Variants in PRKCE observed in about 807,000 individuals in gnomAD.
PRKCE encodes the protein protein kinase C epsilon, also known as protein kinase C epsilon type.
Under a neutral mutation model 85.4 loss-of-function variants are expected in PRKCE, and 16 were observed. The observed-to-expected ratio is 0.19, with a 90% confidence interval of 0.13 to 0.28. The LOEUF (loss-of-function observed/expected upper bound fraction) is 0.28, where lower values mean the gene tolerates loss of function less well. Among genes scored for constraint, PRKCE ranks in the 10% least tolerant of loss-of-function variants. The probability of loss-of-function intolerance (pLI) is 1.00; values close to 1 mark genes in which losing one functional copy is unlikely to be tolerated. For missense variants in PRKCE, 573 were observed against 975.2 expected (o/e 0.59, Z 5.49); for synonymous variants, 388 against 371.5 (o/e 1.04, Z -0.51).
At chr2:45,710,127 C>T (rs1313409117) in intron 1 of PRKCE, among the ~76,000 whole-genome samples, 1 of 152,206 alleles carries the variant, frequency 6.6e-6, no homozygotes, top group African/African-American at 2.4e-5. Context: ...ACGTCCATAG[C>T]ACTGGCTAGG....
chr2:45,966,730 C>G (rs1251704863), intron 2 of PRKCE, among the ~76,000 whole-genome samples: 1 of 152,028 alleles, frequency 6.6e-6, no homozygotes, highest in Admixed American at 6.6e-5. Context: ...TTTCCCGGTC[C>G]TAAAGCCTTG....
intron 2 of PRKCE, among the ~76,000 whole-genome samples, chr2:45,963,399 C>T (rs1161294815): frequency 6.6e-6 from 1 of 152,106 alleles, no homozygotes; most frequent in African/African-American, 2.4e-5. Flanking sequence ...ACCTCTGCCT[C>T]CCTGGTTCAA....
intron 2 of PRKCE, among the ~76,000 whole-genome samples, chr2:45,935,894 G>A (rs1228747784): frequency 6.6e-6 from 1 of 152,238 alleles, no homozygotes; most frequent in Non-Finnish European, 1.5e-5. Flanking sequence ...GACCCATTGT[G>A]CTCTGGAAAG....
rs562822972 is a variant in PRKCE at position 45,747,679 on chromosome 2, A to G, written c.348+95231A>G. On this transcript the variant is annotated intron_variant, in intron 1 of 14. Transcript: ENST00000306156. ...ATGCAATGAACATGGGTATACAACT[A>G]TCTCTTTGAGACCCTGCTTCAGTTC... Among the ~76,000 whole-genome samples, 4 of 152,352 alleles carry G rather than the reference A, an allele frequency of 2.6e-5. No individual in the cohort carries two copies. In the South Asian group the frequency reaches 6.2e-4, roughly 24 times the overall value.
At chr2:46,161,246 G>C (rs1415943890) in intron 14 of PRKCE, among the ~76,000 whole-genome samples, 2 of 152,236 alleles carry the variant, frequency 1.3e-5, no homozygotes, top group Non-Finnish European at 2.9e-5. Flanking sequence ...AGGATTAACT[G>C]TGCCCCTGGT....
rs1340781152 is a variant in PRKCE, at chr2:46,101,759, G to A, written c.1592+15397G>A. Reference sequence around the variant, plus strand: ...GATGACTAAACTGAAACTCAGAGACGATGTGGCTTGTCCGAGGACACTCGG... The same window carrying A: ...GATGACTAAACTGAAACTCAGAGACAATGTGGCTTGTCCGAGGACACTCGG... On this transcript the variant is annotated intron_variant, in intron 11 of 14. Transcript: ENST00000306156. 2.0e-5 allele frequency among the ~76,000 whole-genome samples: 3 copies of A among 151,326 alleles called. No individual in the cohort carries two copies. The South Asian group carries it at 6.3e-4, about 32-fold the overall frequency.
intron 6 of PRKCE, among the ~76,000 whole-genome samples, chr2:46,000,150 G>GTTTTTTTTTTT (rs112523774): frequency 6.9e-6 from 1 of 144,128 alleles, no homozygotes; most frequent in African/African-American, 2.6e-5. Context: ...GGGTTTTTTT[G>GTTTTTTTTTTT]TTTTTTTTTT....
intron 1 of PRKCE, among the ~76,000 whole-genome samples, chr2:45,741,995 A>G (rs944868399): frequency 2.0e-5 from 3 of 152,188 alleles, no homozygotes; most frequent in Admixed American, 2.0e-4. Flanking sequence ...GGCTGTGGTT[A>G]GAGTGTGGGC....
At chr2:45,882,176 A>G (rs906327350) in intron 2 of PRKCE, among the ~76,000 whole-genome samples, 9 of 152,184 alleles carry the variant, frequency 5.9e-5, no homozygotes, top group African/African-American at 2.2e-4. Flanking sequence ...GTCATAGCTA[A>G]TATGTGGCGA....
intron 1 of PRKCE, among the ~76,000 whole-genome samples, chr2:45,808,570 C>T (rs1158695797): frequency 6.6e-6 from 1 of 152,170 alleles, no homozygotes; most frequent in Non-Finnish European, 1.5e-5. Flanking sequence ...GCCAGCCCTT[C>T]CCATTGTCAC....
chr2:45,968,295 A>C (rs569240082), intron 2 of PRKCE, among the ~76,000 whole-genome samples: 1 of 152,322 alleles, frequency 6.6e-6, no homozygotes, highest in African/African-American at 2.4e-5. Flanking sequence ...GCCATAATAA[A>C]GTATGAAATA....
intron 2 of PRKCE, among the ~76,000 whole-genome samples, chr2:45,900,408 T>C (rs1696486934): frequency 6.6e-6 from 1 of 152,246 alleles, no homozygotes; most frequent in Non-Finnish European, 1.5e-5. Flanking sequence ...ATGTGGTCTA[T>C]ACATGCAGTG....
chr2:46,062,826 G>A (rs1163651716), intron 10 of PRKCE, among the ~76,000 whole-genome samples: 1 of 151,912 alleles, frequency 6.6e-6, no homozygotes, highest in Non-Finnish European at 1.5e-5. Flanking sequence ...ACGTTGTTTC[G>A]CTATGTTGGC....
chr2:46,020,506 G>A (rs573342263), intron 10 of PRKCE, among the ~76,000 whole-genome samples: 37 of 152,102 alleles, frequency 2.4e-4, no homozygotes, highest in African/African-American at 7.5e-4. Flanking sequence ...TTATTAAAAT[G>A]GGCACATTCC....
At chr2:46,114,208 T>G (rs938032654) in intron 11 of PRKCE, among the ~76,000 whole-genome samples, 2 of 151,880 alleles carry the variant, frequency 1.3e-5, no homozygotes, top group Non-Finnish European at 2.9e-5. Flanking sequence ...AACTCGAGGG[T>G]TCTGTATAAA....
At chr2:46,052,192 C>A (rs1049858406) in intron 10 of PRKCE, among the ~76,000 whole-genome samples, 1 of 152,166 alleles carries the variant, frequency 6.6e-6, no homozygotes, top group Non-Finnish European at 1.5e-5. Flanking sequence ...AGATTTGAAC[C>A]ACTTTCAAAA....
At chr2:45,823,554 C>T (rs546150120) in intron 1 of PRKCE, among the ~76,000 whole-genome samples, 21 of 152,298 alleles carry the variant, frequency 1.4e-4, no homozygotes, top group Admixed American at 5.2e-4. Context: ...GGATGTGTTA[C>T]ACTCCAGATA....
intron 1 of PRKCE, among the ~76,000 whole-genome samples, chr2:45,666,633 C>T (rs1675925015): frequency 6.6e-6 from 1 of 152,030 alleles, no homozygotes; most frequent in Admixed American, 6.5e-5. Flanking sequence ...CAGAATTCTC[C>T]AGGCTACAGC....
chr2:46,086,448 C>A, intron 11 of PRKCE, 86 bp downstream of exon 11: 1 of 1,468,976 alleles, frequency 6.8e-7, no homozygotes, highest in Non-Finnish European at 9.2e-7. Flanking sequence ...CTCCTGCCCA[C>A]TCGTCTCTTA....
Sources: gnomAD v4.1 joint callset for allele counts (sites outside exome capture counted in the v4.1 genomes callset) on GRCh38, gnomAD v4.1.1 for gene constraint, MANE v1.5 for transcripts, NCBI Gene and HGNC (gene_info 2026-07-23, HGNC 2026-07-21) for gene names.